The following RGS14 variants were observed in gnomAD, a reference collection of about 807,000 sequenced individuals.
RGS14 encodes regulator of G protein signaling 14, also known as regulator of G-protein signaling 14.
In RGS14, 33 loss-of-function variants were observed where a neutral mutation model predicts 63.8. That is an observed-to-expected ratio of 0.52 (90% CI 0.39 to 0.69). The LOEUF is 0.69. RGS14 is among the 30% of genes least tolerant of loss of function. The pLI, the probability that RGS14 is intolerant of heterozygous loss-of-function variation, is 0.00. For missense variants in RGS14, 739 were observed against 742.9 expected (o/e 0.99, Z 0.06); for synonymous variants, 296 against 320.9 (o/e 0.92, Z 0.83).
At position 177,371,079 on chromosome 5, in the gene RGS14, C is replaced by G. The variant is rs1190454453; in HGVS notation, c.1254+48C>G. The G allele has an allele frequency of 9.4e-5, 22 of 233,096 alleles. No individual in the cohort carries two copies. In the Admixed American group the frequency reaches 3.5e-3, roughly 37 times the overall value. 14.4% of individuals were successfully genotyped at this position (233,096 alleles called of 1,614,324 possible). A position where few individuals can be genotyped will look rare whatever the true frequency, so the allele number is the denominator to read the frequency against. ...GGGGCGGGGCGGGGCCGGGCCGGGG[C>G]CGGGGCCGGGGCCGGGGCCGGGGCC... is the stretch of plus-strand genomic sequence containing the variant. On this transcript the variant is annotated intron_variant, in intron 11 of 14. Coordinates refer to ENST00000408923, the MANE Select transcript of RGS14 (RefSeq NM_006480.5). The surrounding 1 kb of genome is among the most constrained non-coding windows in gnomAD (Gnocchi z 6.1).
intron 1 of RGS14, among the ~76,000 whole-genome samples, chr5:177,362,972 G>C (rs1193598184): frequency 1.3e-5 from 2 of 152,210 alleles, no homozygotes; most frequent in Non-Finnish European, 2.9e-5. Context: ...AGAGGCTCAG[G>C]GTGTGCGCGA....
chr5:177,370,866 C>G (rs1042335898), intron 10 of RGS14, 39 bp from the exon 11 acceptor site: 16 of 1,550,494 alleles, frequency 1.0e-5, no homozygotes, highest in Admixed American at 1.8e-5. Context: ...GGCGGGGGGC[C>G]GGCCCTCCGG....
At chr5:177,368,106 G>A in intron 7 of RGS14, 51 bp from the exon 8 acceptor site, 1 of 1,590,624 alleles carries the variant, frequency 6.3e-7, no homozygotes, top group South Asian at 1.1e-5. Context: ...CTTCCGCAGA[G>A]GATGGGTGAG....
intron 9 of RGS14, 161 bp downstream of exon 9, chr5:177,369,081 C>A: frequency 1.5e-6 from 1 of 664,650 alleles, no homozygotes. Flanking sequence ...CATCCACCCA[C>A]CCCCCACCTC....
Position 177,371,242 on chromosome 5 carries a change from T to C in RGS14, c.1332T>C (p.Leu444=), listed in dbSNP as rs1336650142. ...CCCAGAGACTGGTTTTGGACACTCT[T>C]CCAGGTAGGGGACGCTGGCCTCGGG... The part of the protein sequence containing the change: ...VAAQRLVLDT[L]PGVKISKARD... The change falls in exon 12 of 15, where the codon CTT becomes CTC. Residue 444 remains leucine (L), a synonymous_variant. Coordinates refer to ENST00000408923, the MANE Select transcript of RGS14 (RefSeq NM_006480.5). This position sits in a 1 kb window ranked among gnomAD's most constrained non-coding sequence, Gnocchi z 6.1. 3.1e-6 allele frequency: 5 copies of C among 1,613,802 alleles called. No homozygotes were observed. The highest frequency in any genetic ancestry group is 8.5e-7 in the Non-Finnish European group (1 of 1,179,950).
At chr5:177,365,302 C>T (rs2127329758) in intron 1 of RGS14, among the ~76,000 whole-genome samples, 1 of 152,304 alleles carries the variant, frequency 6.6e-6, no homozygotes. Context: ...AAGCGATTCT[C>T]CTGCCTCAGC....
chr5:177,367,918 T>G (rs765125371), intron 7 of RGS14, 93 bp downstream of exon 7: 21 of 1,444,924 alleles, frequency 1.5e-5, no homozygotes, highest in Non-Finnish European at 1.8e-5. Context: ...GCCCACAGTC[T>G]GTAAGTCTGT....
In RGS14 at chr5:177,371,173, G is replaced by A. The variant is rs1286057855; in HGVS notation, c.1263G>A (p.Glu421=). 2.4e-5 allele frequency: 38 copies of A among 1,612,708 alleles called. No individual in the cohort carries two copies. Among genetic ancestry groups the A allele is most frequent in the Non-Finnish European group, 3.2e-5 (38 of 1,179,678 alleles). Residue 421 remains glutamate, a synonymous_variant, in exon 12 of 15, where the codon GAG becomes GAA. Transcript: ENST00000408923. The surrounding 1 kb of genome is among the most constrained non-coding windows in gnomAD (Gnocchi z 6.1). ...CTGACCTCTCCCCACAGCCAGGCGA[G>A]AAACAGCCTCTGGATCTGGGGAAGC... The part of the protein sequence containing the change: ...PLEVVLHRPG[E]KQPLDLGKLV...
intron 1 of RGS14, among the ~76,000 whole-genome samples, chr5:177,365,633 G>T (rs1403889062): frequency 6.6e-6 from 1 of 152,206 alleles, no homozygotes; most frequent in Non-Finnish European, 1.5e-5. Flanking sequence ...TAACTAACTT[G>T]CCCAAAGTTA....
chr5:177,359,838 G>A lies in RGS14; in HGVS notation c.45+1769G>A, dbSNP rs1056112077. ...CGGATGTGGATGGAGGGGCGCCTGG[G>A]GGACAGGTATGTCTGGTCCCTCCAT... On this transcript the variant is annotated intron_variant, in intron 1 of 14. Coordinates refer to ENST00000408923, the MANE Select transcript of RGS14 (RefSeq NM_006480.5). The surrounding 1 kb of genome is among the most constrained non-coding windows in gnomAD (Gnocchi z 4.4). Among the ~76,000 whole-genome samples the A allele has an allele frequency of 3.9e-5, 6 of 152,320 alleles. No individual in the cohort carries two copies. Among genetic ancestry groups the A allele is most frequent in the Admixed American group, 3.9e-4 (6 of 15,304 alleles).
At position 177,371,893 on chromosome 5, in the gene RGS14, C is replaced by A. The variant is rs368278852; in HGVS notation, c.1519C>A (p.Arg507=). Residue 507 remains arginine (R), a synonymous_variant, in exon 15 of 15, where the codon CGG becomes AGG. Coordinates refer to ENST00000408923, the MANE Select transcript of RGS14 (RefSeq NM_006480.5). The surrounding 1 kb of genome is among the most constrained non-coding windows in gnomAD (Gnocchi z 6.1). ...DIEGLVELLN[R]VQSSGAHDQR... ...TCCAGGCCTGGTGGAGCTGCTGAAC[C>A]GGGTGCAGAGCAGCGGGGCCCACGA... 1.2e-6 allele frequency: 2 copies of A among 1,613,214 alleles called. No individual in the cohort carries two copies. The highest frequency in any genetic ancestry group is 2.7e-5 in the African/African-American group (2 of 74,904).
intron 10 of RGS14, 38 bp from the exon 11 acceptor site, chr5:177,370,867 G>T: frequency 3.2e-6 from 5 of 1,554,896 alleles, no homozygotes; most frequent in South Asian, 2.4e-5. Context: ...GCGGGGGGCC[G>T]GCCCTCCGGC....
intron 5 of RGS14, 135 bp downstream of exon 5, chr5:177,367,169 C>G: frequency 7.9e-7 from 1 of 1,266,224 alleles, no homozygotes; most frequent in Non-Finnish European, 1.1e-6. Context: ...AATGCCGGGG[C>G]AGGCAGGGCG....
At chr5:177,368,361 T>G in intron 8 of RGS14, 95 bp downstream of exon 8, 1 of 1,299,902 alleles carries the variant, frequency 7.7e-7, no homozygotes, top group Non-Finnish European at 1.0e-6. Flanking sequence ...GTTGCTGTCC[T>G]TACTGCGTCT....
chr5:177,364,485 G>A lies in RGS14; in HGVS notation c.46-1478G>A, dbSNP rs902399815. Among the ~76,000 whole-genome samples the A allele has an allele frequency of 3.3e-5, 5 of 152,116 alleles. No individual in the cohort carries two copies. Among genetic ancestry groups the A allele is most frequent in the South Asian group, 2.1e-4 (1 of 4,828 alleles). On this transcript the variant is annotated intron_variant, in intron 1 of 14. Transcript: ENST00000408923. The surrounding 1 kb of genome is among the most constrained non-coding windows in gnomAD (Gnocchi z 4.6). ...TTTGAGGGGGGACTCGCCCCCCTCC[G>A]CTGGGCTGCCTGGCCCTGCCCTCCT... is the stretch of plus-strand genomic sequence containing the variant.
Position 177,357,974 on chromosome 5 carries a change from A to C in RGS14, c.-51A>C. On this transcript the variant is annotated 5_prime_UTR_variant, in exon 1 of 15. Coordinates refer to ENST00000408923, the MANE Select transcript of RGS14 (RefSeq NM_006480.5). Reference sequence around the variant, plus strand: ...GCAAGCTCTGGCCGGCGCTGCCCACAGTCCCCATGGTGGGCAGCCCCCGCG... The same window carrying C: ...GCAAGCTCTGGCCGGCGCTGCCCACCGTCCCCATGGTGGGCAGCCCCCGCG... The C allele has an allele frequency of 7.6e-7, 1 of 1,318,558 alleles. No homozygotes were observed. Among genetic ancestry groups the C allele is most frequent in the East Asian group, 3.1e-5 (1 of 32,526 alleles). 81.7% of individuals were successfully genotyped at this position (1,318,558 alleles called of 1,614,324 possible).
Position 177,368,233 on chromosome 5 carries a change from T to G in RGS14, c.816T>G (p.Leu272=). 2.5e-6 allele frequency: 4 copies of G among 1,613,688 alleles called. No homozygotes were observed. Among genetic ancestry groups the G allele is most frequent in the Non-Finnish European group, 3.4e-6 (4 of 1,179,716 alleles). The part of the protein sequence containing the change: ...GSLNSSASLD[L]GFLAFVSSKS... ...TCAACTCCTCCGCCAGCCTGGACCT[T>G]GGCTTCCTAGCCTTCGTCAGCAGCA... is the stretch of plus-strand genomic sequence containing the variant. The change falls in exon 8 of 15, where the codon CTT becomes CTG. Residue 272 remains leucine (L), a synonymous_variant. Coordinates refer to ENST00000408923, the MANE Select transcript of RGS14 (RefSeq NM_006480.5).
At position 177,358,377 on chromosome 5, in the gene RGS14, G is replaced by A. The variant is rs944307621; in HGVS notation, c.45+308G>A. Among the ~76,000 whole-genome samples the A allele has an allele frequency of 1.3e-5, 2 of 152,168 alleles. No homozygotes were observed. Among genetic ancestry groups the A allele is most frequent in the Admixed American group, 6.5e-5 (1 of 15,280 alleles). ...GCATCCCAGGGTCTCAGGGACACTC[G>A]ATGTGCTCCTTGCCCCCTGCCCATC... is the stretch of plus-strand genomic sequence containing the variant. On this transcript the variant is annotated intron_variant, in intron 1 of 14. Transcript: ENST00000408923. This position sits in a 1 kb window ranked among gnomAD's most constrained non-coding sequence, Gnocchi z 4.8.
rs913995049 is a variant in RGS14, at chr5:177,366,688, C to T, written c.247-20C>T. ...TGTGTCTCTGAGTCTCTGCCTGCCTCCCCCTCCTTCCCCTCCCAGGAGTTC... is the reference window on the plus strand; with the variant it reads ...TGTGTCTCTGAGTCTCTGCCTGCCTTCCCCTCCTTCCCCTCCCAGGAGTTC... On this transcript the variant is annotated intron_variant, in intron 3 of 14. Coordinates refer to ENST00000408923, the MANE Select transcript of RGS14 (RefSeq NM_006480.5). 67 of 1,610,892 alleles carry T rather than the reference C, an allele frequency of 4.2e-5. No homozygotes were observed. The highest frequency in any genetic ancestry group is 5.5e-5 in the Non-Finnish European group (65 of 1,177,180).
Sources: gnomAD v4.1 joint callset for allele counts (sites outside exome capture counted in the v4.1 genomes callset) on GRCh38, gnomAD v4.1.1 for gene constraint, Gnocchi (gnomAD v3.1) non-coding constraint, MANE v1.5 for transcripts, NCBI Gene and HGNC (gene_info 2026-07-23, HGNC 2026-07-21) for gene names.